GASK1A: variants seen among roughly 807,000 people sequenced by gnomAD.
GASK1A encodes the protein golgi associated kinase 1A, also known as Golgi-associated kinase 1A.
Under a neutral mutation model 41.2 loss-of-function variants are expected in GASK1A, and 40 were observed. That is an observed-to-expected ratio of 0.97 (90% confidence interval 0.75 to 1.27). GASK1A has a LOEUF of 1.27. Among genes scored for constraint, GASK1A ranks in the 50% most tolerant of loss-of-function variants. The pLI, the probability that GASK1A is intolerant of heterozygous loss-of-function variation, is 0.00. For synonymous variants in GASK1A, 316 were observed against 307.1 expected, an observed-to-expected ratio of 1.03 and a Z score of -0.30; for missense variants, 678 against 745.1, an observed-to-expected ratio of 0.91 and a Z score of 1.05.
intron 2 of GASK1A, among the ~76,000 whole-genome samples, chr3:43,041,041 A>G (rs890167689): frequency 1.3e-5 from 2 of 150,490 alleles, no homozygotes; most frequent in Non-Finnish European, 3.0e-5. Flanking sequence ...ATGTCCCTAC[A>G]AAGGACATGA....
chr3:43,020,410 G>C (rs1440092708), intron 1 of GASK1A, among the ~76,000 whole-genome samples: 1 of 152,172 alleles, frequency 6.6e-6, no homozygotes, highest in Non-Finnish European at 1.5e-5. Context: ...TGGTTCAAGA[G>C]ATAAGTCTGT....
rs2089297082 is a variant in GASK1A, at chr3:42,984,319, T to A, written c.3+4674T>A. 6.6e-6 allele frequency among the ~76,000 whole-genome samples: 1 copy of A among 152,042 alleles called. No individual in the cohort carries two copies. Among genetic ancestry groups the A allele is most frequent in the Non-Finnish European group, 1.5e-5 (1 of 68,006 alleles). On this transcript the variant is annotated intron_variant, in intron 1 of 4. Transcript: ENST00000430121. This position sits in a 1 kb window ranked among gnomAD's most constrained non-coding sequence, Gnocchi z 4.2. The stretch of plus-strand genomic sequence containing the variant: ...CTATCTCTCTCTCTCTCTCTTTCTC[T>A]CTCTCTCACACACACACACGCTGAC...
At chr3:43,053,242 G>C (rs560319876) in intron 2 of GASK1A, among the ~76,000 whole-genome samples, 12 of 152,356 alleles carry the variant, frequency 7.9e-5, no homozygotes, top group South Asian at 4.1e-4. Flanking sequence ...TGCCAGGCTA[G>C]AGCTAAAGAG....
intron 3 of GASK1A, 29 bp from the exon 4 acceptor site, chr3:43,055,403 C>T (rs1260217848): frequency 9.2e-6 from 14 of 1,516,124 alleles, no homozygotes; most frequent in Middle Eastern, 3.4e-4. Flanking sequence ...CCTTACCCAC[C>T]TCTGTCTCTG....
intron 2 of GASK1A, among the ~76,000 whole-genome samples, chr3:43,035,938 C>G (rs914891824): frequency 6.6e-6 from 1 of 152,216 alleles, no homozygotes; most frequent in Non-Finnish European, 1.5e-5. Flanking sequence ...AGAGCTCACT[C>G]TCTGAATCAC....
At chr3:43,025,979 G>A (rs1406374330) in intron 1 of GASK1A, among the ~76,000 whole-genome samples, 1 of 152,226 alleles carries the variant, frequency 6.6e-6, no homozygotes, top group Non-Finnish European at 1.5e-5. Context: ...CCAGTTTCAT[G>A]CAGGTGCAGT....
At chr3:43,033,888 A>C (rs147597191) in intron 2 of GASK1A, among the ~76,000 whole-genome samples, 262 of 152,362 alleles carry the variant, frequency 1.7e-3, no homozygotes, top group African/African-American at 6.0e-3. Flanking sequence ...ATTATTTCCT[A>C]ATTATATTAC....
chr3:43,055,277 T>C (rs1244631929), intron 3 of GASK1A, among the ~76,000 whole-genome samples, 155 bp from the exon 4 acceptor site: 1 of 152,156 alleles, frequency 6.6e-6, no homozygotes, highest in Non-Finnish European at 1.5e-5. Context: ...GTGCCCAGCA[T>C]AGAGTAAGCA....
intron 1 of GASK1A, among the ~76,000 whole-genome samples, chr3:43,029,423 A>G (rs1252836722): frequency 6.6e-6 from 1 of 152,118 alleles, no homozygotes; most frequent in Non-Finnish European, 1.5e-5. Context: ...GGTGCTTGAC[A>G]TGGACAGGAG....
intron 1 of GASK1A, among the ~76,000 whole-genome samples, chr3:43,031,689 G>A (rs761759486): frequency 6.6e-6 from 1 of 152,204 alleles, no homozygotes; most frequent in Non-Finnish European, 1.5e-5. Context: ...GAAAGGCCAG[G>A]GTGGCTAACT....
At chr3:43,015,632 GA>G in intron 1 of GASK1A, among the ~76,000 whole-genome samples, 1 of 151,906 alleles carries the variant, frequency 6.6e-6, no homozygotes, top group African/African-American at 2.4e-5. Context: ...TGAAGTCACT[GA>G]AAGGGGCTGT....
At chr3:43,046,017 G>T (rs146284056) in intron 2 of GASK1A, among the ~76,000 whole-genome samples, 6 of 152,246 alleles carry the variant, frequency 3.9e-5, no homozygotes, top group African/African-American at 1.4e-4. Context: ...TCAGTCTTGG[G>T]CAGCTGTTTA....
intron 2 of GASK1A, among the ~76,000 whole-genome samples, chr3:43,047,019 G>A (rs954434962): frequency 1.3e-5 from 2 of 152,258 alleles, no homozygotes; most frequent in East Asian, 3.8e-4. Flanking sequence ...TGCTGAAGGG[G>A]TGGAACCCTC....
chr3:43,014,464 G>T (rs530398197), intron 1 of GASK1A, among the ~76,000 whole-genome samples: 5 of 151,762 alleles, frequency 3.3e-5, no homozygotes, highest in Admixed American at 3.3e-4. Context: ...GGAAGAGGCA[G>T]TGTGAAGCCA....
intron 1 of GASK1A, among the ~76,000 whole-genome samples, chr3:42,980,948 G>A (rs1055353856): frequency 1.1e-4 from 16 of 152,208 alleles, no homozygotes; most frequent in Non-Finnish European, 2.4e-4. Flanking sequence ...ACTCCGAGGG[G>A]CATTAGCATG....
At chr3:43,014,157 G>A (rs147107722) in intron 1 of GASK1A, among the ~76,000 whole-genome samples, 2 of 151,876 alleles carry the variant, frequency 1.3e-5, no homozygotes, top group South Asian at 2.1e-4. Flanking sequence ...TAAACCACAG[G>A]AAGGCACAGT....
At chr3:43,053,719 A>C in intron 3 of GASK1A, 76 bp downstream of exon 3, 1 of 1,497,616 alleles carries the variant, frequency 6.7e-7, no homozygotes, top group Non-Finnish European at 9.1e-7. Flanking sequence ...TGCTGTTAAC[A>C]AGTTTCAGAG....
In GASK1A at chr3:43,001,387, G is replaced by A. The variant is rs74991235; in HGVS notation, c.3+21742G>A. 7.4e-3 allele frequency among the ~76,000 whole-genome samples: 1,129 copies of A among 152,260 alleles called. 11 individuals are homozygous for A. The highest frequency in any genetic ancestry group is 0.026 in the African/African-American group (1,064 of 41,540). ...TCCAAACAGCACGTGGCCACATCTA[G>A]CCTGCAATGGACTTGGCCTGGCCAG... On this transcript the variant is annotated intron_variant, in intron 1 of 4. Coordinates refer to ENST00000430121, the MANE Select transcript of GASK1A (RefSeq NM_001129908.3).
intron 1 of GASK1A, among the ~76,000 whole-genome samples, chr3:43,002,840 T>C (rs1196047422): frequency 6.6e-6 from 1 of 152,220 alleles, no homozygotes; most frequent in Non-Finnish European, 1.5e-5. Context: ...ATTGGTTGGC[T>C]CTGAGTGAGG....
Sources: gnomAD v4.1 joint callset for allele counts (sites outside exome capture counted in the v4.1 genomes callset) on GRCh38, gnomAD v4.1.1 for gene constraint, Gnocchi (gnomAD v3.1) non-coding constraint, MANE v1.5 for transcripts, NCBI Gene and HGNC (gene_info 2026-07-23, HGNC 2026-07-21) for gene names.